ASPH: variants seen among roughly 807,000 people sequenced by gnomAD.
ASPH encodes aspartate beta-hydroxylase.
In ASPH, 100 loss-of-function variants were observed where a neutral mutation model predicts 118.4. The observed-to-expected ratio is 0.84, with a 90% CI of 0.72 to 1.00. The LOEUF (loss-of-function observed/expected upper bound fraction) is 1.00, where lower values mean the gene tolerates loss of function less well. ASPH is among the 50% of genes least tolerant of loss of function. The pLI, the probability that ASPH is intolerant of heterozygous loss-of-function variation, is 0.00. For synonymous variants in ASPH, 315 were observed against 325.6 expected (o/e 0.97, Z 0.35); for missense variants, 920 against 919.5 (o/e 1.00, Z -0.01).
chr8:61,644,036 CAAAT>C (rs1390744529), intron 7 of ASPH, 35 bp from the exon 8 acceptor site: 16 of 1,483,698 alleles, frequency 1.1e-5, no homozygotes, highest in Admixed American at 1.7e-5. Flanking sequence ...AATTACGTCT[CAAAT>C]AAGGAATACA....
In ASPH at chr8:61,628,091, T is replaced by C. The variant is rs992358603; in HGVS notation, c.934+5592A>G. 1.2e-3 allele frequency among the ~76,000 whole-genome samples: 178 copies of C among 151,956 alleles called. 6 individuals are homozygous for C. Among genetic ancestry groups the C allele is most frequent in the Admixed American group, 5.9e-4 (9 of 15,250 alleles). On this transcript the variant is annotated intron_variant, in intron 13 of 24. Transcript: ENST00000379454. ...CTCCTTGCTGGACTAACTTCTCAAA[T>C]TGAGATTAGATCATATGACTCCTCT... is the stretch of plus-strand genomic sequence containing the variant.
At chr8:61,653,762 G>T in intron 3 of ASPH, 102 bp from the exon 4 acceptor site, 1 of 1,160,302 alleles carries the variant, frequency 8.6e-7, no homozygotes, top group Non-Finnish European at 1.2e-6. Flanking sequence ...TAATAGTGCT[G>T]CTAATTAATA....
intron 13 of ASPH, chr8:61,625,422 C>T (rs1035161419): frequency 1.0e-6 from 1 of 985,358 alleles, no homozygotes; most frequent in Non-Finnish European, 1.2e-6. Context: ...GCAGAATAAT[C>T]TTTAAGTTAT....
At position 61,539,699 on chromosome 8, in the gene ASPH, G is replaced by GTGTGTGTGTGTGTGTGTGTGTGTGTGTGT. The variant is rs1554618408; in HGVS notation, c.1764+8371_1764+8372insACACACACACACACACACACACACACACA. On this transcript the variant is annotated intron_variant, in intron 21 of 24. Coordinates refer to ENST00000379454, the MANE Select transcript of ASPH (RefSeq NM_004318.4). ...TGTGATGGTCACCTAACACTTCTGG[G>GTGTGTGTGTGTGTGTGTGTGTGTGTGTGT]GTGTGTGTGTGTGTGTGTGTGTGTG... Among the ~76,000 whole-genome samples, 11 of 124,304 alleles carry GTGTGTGTGTGTGTGTGTGTGTGTGTGTGT rather than the reference G, an allele frequency of 8.8e-5. 1 individual carries two copies. The highest frequency in any genetic ancestry group is 5.1e-4 in the Admixed American group (6 of 11,752). 81.5% of individuals were successfully genotyped at this position (124,304 alleles called of 152,430 possible). A position where few individuals can be genotyped will look rare whatever the true frequency, so the allele number is the denominator to read the frequency against.
intron 14 of ASPH, among the ~76,000 whole-genome samples, chr8:61,612,807 C>A (rs1205808852): frequency 6.6e-6 from 1 of 152,118 alleles, no homozygotes; most frequent in Non-Finnish European, 1.5e-5. Context: ...AAATGCTTAA[C>A]TCATAAGATT....
At chr8:61,561,087 G>GGAGGGAGGGAGA (rs1376759154) in intron 18 of ASPH, among the ~76,000 whole-genome samples, 1 of 44,682 alleles carries the variant, frequency 2.2e-5, no homozygotes, top group South Asian at 1.2e-3. Flanking sequence ...AGGGAGGGAG[G>GGAGGGAGGGAGA]GAGGGAGGGA....
intron 1 of ASPH, among the ~76,000 whole-genome samples, chr8:61,699,577 C>T (rs1834758731): frequency 6.6e-6 from 1 of 151,934 alleles, no homozygotes; most frequent in Non-Finnish European, 1.5e-5. Flanking sequence ...AATTAAATCA[C>T]CAGACAGTTG....
chr8:61,587,178 AC>A (rs1221378360), intron 14 of ASPH, among the ~76,000 whole-genome samples: 3 of 152,178 alleles, frequency 2.0e-5, no homozygotes, highest in African/African-American at 7.2e-5. Context: ...CCTCCCAGAA[AC>A]CCTAATCCCT....
At chr8:61,633,141 A>G (rs1303643856) in intron 13 of ASPH, 1 of 155,188 alleles carries the variant, frequency 6.4e-6, no homozygotes, top group Non-Finnish European at 1.4e-5. Context: ...ACTGGTGACA[A>G]GAGGGCTCAG....
At chr8:61,561,188 G>A (rs1829860258) in intron 18 of ASPH, among the ~76,000 whole-genome samples, 2 of 151,614 alleles carry the variant, frequency 1.3e-5, no homozygotes, top group Admixed American at 1.3e-4. Context: ...CTCTGACAGT[G>A]ACAAACTAAT....
At chr8:61,569,876 T>C (rs1228311837) in intron 16 of ASPH, among the ~76,000 whole-genome samples, 1 of 152,224 alleles carries the variant, frequency 6.6e-6, no homozygotes, top group Non-Finnish European at 1.5e-5. Context: ...GATGCTGGCA[T>C]GGCCTTCTAT....
At chr8:61,598,564 T>C (rs1041758176) in intron 14 of ASPH, among the ~76,000 whole-genome samples, 1 of 152,218 alleles carries the variant, frequency 6.6e-6, no homozygotes, top group African/African-American at 2.4e-5. Flanking sequence ...CACCCCACTC[T>C]GAGTATTGGA....
At chr8:61,708,871 C>A (rs77750035) in intron 1 of ASPH, among the ~76,000 whole-genome samples, 1 of 128,214 alleles carries the variant, frequency 7.8e-6, no homozygotes, top group Admixed American at 8.1e-5. Flanking sequence ...ACCACTCCCA[C>A]CCCCCAGCCC....
intron 22 of ASPH, among the ~76,000 whole-genome samples, chr8:61,521,416 C>T (rs138883513): frequency 6.6e-6 from 1 of 152,142 alleles, no homozygotes. Context: ...ATACTTGAGG[C>T]ACTATTTGCC....
At chr8:61,598,137 T>C (rs184860777) in intron 14 of ASPH, among the ~76,000 whole-genome samples, 159 of 152,304 alleles carry the variant, frequency 1.0e-3, no homozygotes, top group Non-Finnish European at 1.7e-3. Flanking sequence ...CTATCAATAG[T>C]AACCTTGAAT....
intron 24 of ASPH, among the ~76,000 whole-genome samples, chr8:61,504,343 GA>G (rs1258267362): frequency 6.6e-6 from 1 of 152,084 alleles, no homozygotes; most frequent in Non-Finnish European, 1.5e-5. Context: ...ATTTTTGCTA[GA>G]AAATTTTCCT....
chr8:61,683,775 T>C (rs898144117), intron 2 of ASPH: 36 of 344,958 alleles, frequency 1.0e-4, no homozygotes, highest in African/African-American at 6.2e-4. Flanking sequence ...TGAGAATGAG[T>C]ACTGTTTGAT....
At chr8:61,681,696 C>T (rs1419830266) in intron 2 of ASPH, among the ~76,000 whole-genome samples, 1 of 151,748 alleles carries the variant, frequency 6.6e-6, no homozygotes, top group East Asian at 1.9e-4. Context: ...TTAATCAGCA[C>T]AGGCAATCTA....
intron 3 of ASPH, chr8:61,664,719 C>A: frequency 1.0e-6 from 1 of 985,808 alleles, no homozygotes; most frequent in Non-Finnish European, 1.2e-6. Flanking sequence ...GAGGAACGGC[C>A]CCCTGAAAGG....
Sources: gnomAD v4.1 joint callset for allele counts (sites outside exome capture counted in the v4.1 genomes callset) on GRCh38, gnomAD v4.1.1 for gene constraint, MANE v1.5 for transcripts, NCBI Gene and HGNC (gene_info 2026-07-23, HGNC 2026-07-21) for gene names.